The following RAB3C variants were observed in gnomAD, a reference collection of about 807,000 sequenced individuals.
The protein encoded by RAB3C is RAB3C, member RAS oncogene family.
Under a neutral mutation model 26.4 loss-of-function variants are expected in RAB3C, and 17 were observed. The observed-to-expected ratio is 0.64, with a 90% CI of 0.44 to 0.97. RAB3C has a LOEUF of 0.97. Among genes scored for constraint, RAB3C ranks in the 50% least tolerant of loss-of-function variants. The pLI, the probability that RAB3C is intolerant of heterozygous loss-of-function variation, is 0.00. For missense variants in RAB3C, 242 were observed against 281.9 expected (o/e 0.86, Z 1.01); for synonymous variants, 91 against 95.9 (o/e 0.95, Z 0.30).
intron 3 of RAB3C, among the ~76,000 whole-genome samples, chr5:58,776,207 G>A (rs1742137336): frequency 6.6e-6 from 1 of 152,016 alleles, no homozygotes; most frequent in South Asian, 2.1e-4. Context: ...TAAGCTTAAG[G>A]ATGTCATACA....
At chr5:58,727,045 A>G (rs1740905253) in intron 3 of RAB3C, among the ~76,000 whole-genome samples, 1 of 152,018 alleles carries the variant, frequency 6.6e-6, no homozygotes. Context: ...GAAATACCGC[A>G]CTTTAACTGT....
chr5:58,702,371 C>G (rs1177602946), intron 2 of RAB3C, among the ~76,000 whole-genome samples: 1 of 152,114 alleles, frequency 6.6e-6, no homozygotes, highest in South Asian at 2.1e-4. Flanking sequence ...AGGCTGTTTT[C>G]TTTCATGCCT....
chr5:58,628,295 CAAAG>C (rs893392099), intron 2 of RAB3C, among the ~76,000 whole-genome samples: 2 of 149,900 alleles, frequency 1.3e-5, no homozygotes, highest in African/African-American at 4.9e-5. Context: ...TGGAGAAAAA[CAAAG>C]AGGATAATTT....
At chr5:58,646,215 G>A (rs955429729) in intron 2 of RAB3C, among the ~76,000 whole-genome samples, 9 of 152,108 alleles carry the variant, frequency 5.9e-5, no homozygotes, top group Non-Finnish European at 7.4e-5. Context: ...TTCTCATAGC[G>A]TCTTCTCTCA....
At chr5:58,822,966 C>G in intron 3 of RAB3C, 1 of 630,442 alleles carries the variant, frequency 1.6e-6, no homozygotes, top group East Asian at 3.6e-5. Context: ...CTTGCCAGAA[C>G]CATCACTGGC....
chr5:58,822,973 T>A, intron 3 of RAB3C: 1 of 627,478 alleles, frequency 1.6e-6, no homozygotes, highest in Non-Finnish European at 3.0e-6. Flanking sequence ...GAACCATCAC[T>A]GGCAATAAAG....
intron 2 of RAB3C, among the ~76,000 whole-genome samples, chr5:58,713,421 C>T (rs912581080): frequency 6.6e-6 from 1 of 152,236 alleles, no homozygotes; most frequent in African/African-American, 2.4e-5. Context: ...CAGGCCACTT[C>T]TGTGAGGCAG....
chr5:58,591,635 G>T lies in RAB3C; in HGVS notation c.24+8403G>T, dbSNP rs181694236. Reference sequence around the variant, plus strand: ...TTTTATTTATTTTCAACTTATATGTGTCTCTATATTTAAAGTGTGAATCTT... The same window carrying T: ...TTTTATTTATTTTCAACTTATATGTTTCTCTATATTTAAAGTGTGAATCTT... On this transcript the variant is annotated intron_variant, in intron 1 of 4. Transcript: ENST00000282878. 3.2e-3 allele frequency among the ~76,000 whole-genome samples: 472 copies of T among 148,736 alleles called. 1 individual carries two copies. The highest frequency in any genetic ancestry group is 5.1e-3 in the Non-Finnish European group (341 of 67,300).
chr5:58,671,606 T>C (rs1416911921), intron 2 of RAB3C, among the ~76,000 whole-genome samples: 1 of 152,220 alleles, frequency 6.6e-6, no homozygotes, highest in African/African-American at 2.4e-5. Context: ...ATATCTGCTT[T>C]TAACTAAGTC....
chr5:58,693,332 A>G lies in RAB3C; in HGVS notation c.253-32670A>G, dbSNP rs1322124986. 2.3e-3 allele frequency among the ~76,000 whole-genome samples: 244 copies of G among 107,046 alleles called. 10 individuals are homozygous for G. The highest frequency in any genetic ancestry group is 9.2e-3 in the Middle Eastern group (2 of 218). The allele number at this position is 107,046 out of a possible 152,430, so 70.2% of individuals were successfully genotyped here. A position where few individuals can be genotyped will look rare whatever the true frequency, so the allele number is the denominator to read the frequency against. Reference sequence around the variant, plus strand: ...AATAAAATTAAGAAATTATATATATATGTGTATATATATATATATATATAT... The same window carrying G: ...AATAAAATTAAGAAATTATATATATGTGTGTATATATATATATATATATAT... On this transcript the variant is annotated intron_variant, in intron 2 of 4. Coordinates refer to ENST00000282878, the MANE Select transcript of RAB3C (RefSeq NM_138453.4).
chr5:58,819,518 A>C (rs1209437455), intron 3 of RAB3C, among the ~76,000 whole-genome samples: 2 of 152,202 alleles, frequency 1.3e-5, no homozygotes, highest in African/African-American at 4.8e-5. Context: ...ACCTTCCTAC[A>C]TAAAAGAAAT....
chr5:58,737,638 A>G (rs1741179623), intron 3 of RAB3C, among the ~76,000 whole-genome samples: 1 of 151,868 alleles, frequency 6.6e-6, no homozygotes, highest in Middle Eastern at 3.2e-3. Context: ...AGAATTATAT[A>G]AGACTGGATC....
intron 2 of RAB3C, among the ~76,000 whole-genome samples, chr5:58,688,951 A>G (rs146385216): frequency 6.6e-6 from 1 of 152,224 alleles, no homozygotes; most frequent in East Asian, 1.9e-4. Flanking sequence ...TACATCCTCC[A>G]TAATAGGGAC....
intron 1 of RAB3C, among the ~76,000 whole-genome samples, chr5:58,614,573 T>C (rs1746785742): frequency 6.6e-6 from 1 of 152,066 alleles, no homozygotes; most frequent in Non-Finnish European, 1.5e-5. Context: ...AGAATTTTGC[T>C]GGGTGCACAT....
At chr5:58,631,476 A>G (rs916502314) in intron 2 of RAB3C, among the ~76,000 whole-genome samples, 1 of 152,214 alleles carries the variant, frequency 6.6e-6, no homozygotes, top group Non-Finnish European at 1.5e-5. Flanking sequence ...ATTTAATGGT[A>G]TTTAAATTTT....
chr5:58,727,906 C>CG (rs1180717107), intron 3 of RAB3C, among the ~76,000 whole-genome samples: 20 of 151,998 alleles, frequency 1.3e-4, no homozygotes, highest in African/African-American at 4.6e-4. Context: ...GTAATGGTGC[C>CG]ACTATATCTT....
intron 2 of RAB3C, among the ~76,000 whole-genome samples, chr5:58,680,292 C>T (rs1406340225): frequency 1.3e-5 from 2 of 151,978 alleles, no homozygotes; most frequent in Non-Finnish European, 2.9e-5. Flanking sequence ...CTTTGCAAGG[C>T]CATTAGTGAA....
chr5:58,617,417 A>C, intron 1 of RAB3C: 1 of 730,502 alleles, frequency 1.4e-6, no homozygotes, highest in Non-Finnish European at 2.5e-6. Context: ...ACATGCACCA[A>C]CACAGCTGGA....
At chr5:58,637,205 A>C (rs911278578) in intron 2 of RAB3C, among the ~76,000 whole-genome samples, 3 of 151,950 alleles carry the variant, frequency 2.0e-5, no homozygotes, top group African/African-American at 7.3e-5. Flanking sequence ...AAGGTTTAAT[A>C]ATCTTTTAGT....
Sources: allele counts gnomAD v4.1 joint callset (sites outside exome capture counted in the v4.1 genomes callset), GRCh38; gene constraint gnomAD v4.1.1; transcripts MANE v1.5; gene names NCBI Gene and HGNC (gene_info 2026-07-23, HGNC 2026-07-21).